The following ARHGAP26 variants were observed in gnomAD, a reference collection of about 807,000 sequenced individuals.
The protein encoded by ARHGAP26 is Rho GTPase activating protein 26.
ARHGAP26 carries 38 observed loss-of-function variants against 104.8 expected under a neutral mutation model. The observed-to-expected ratio is 0.36, with a 90% CI of 0.28 to 0.48. The LOEUF is 0.48. Ranked by LOEUF, ARHGAP26 falls within the 20% of genes least tolerant of loss-of-function variation. The pLI, the probability that ARHGAP26 is intolerant of heterozygous loss-of-function variation, is 0.99. For missense variants in ARHGAP26, 704 were observed against 947.9 expected, an observed-to-expected ratio of 0.74 and a Z score of 3.38; for synonymous variants, 341 against 340.0, an observed-to-expected ratio of 1.00 and a Z score of -0.03.
intron 1 of ARHGAP26, among the ~76,000 whole-genome samples, chr5:142,830,270 T>A (rs1255791645): frequency 1.3e-5 from 2 of 152,212 alleles, no homozygotes; most frequent in Non-Finnish European, 2.9e-5. Context: ...ATAAAATAGC[T>A]CATTACTATC....
chr5:142,975,980 C>T (rs1030451170), intron 11 of ARHGAP26, among the ~76,000 whole-genome samples: 11 of 152,142 alleles, frequency 7.2e-5, no homozygotes, highest in East Asian at 1.9e-4. Flanking sequence ...AAAAACTCTC[C>T]GTGGAACTTA....
chr5:142,865,704 G>A (rs1754157534), intron 1 of ARHGAP26, among the ~76,000 whole-genome samples: 1 of 152,086 alleles, frequency 6.6e-6, no homozygotes, highest in Non-Finnish European at 1.5e-5. Context: ...CTTAGTAAAA[G>A]GCTTAATTGT....
intron 20 of ARHGAP26, among the ~76,000 whole-genome samples, chr5:143,193,491 T>G (rs1806285683): frequency 6.6e-6 from 1 of 152,084 alleles, no homozygotes; most frequent in Non-Finnish European, 1.5e-5. Context: ...TCGGGTGATC[T>G]ACCCACCTTG....
chr5:143,200,883 A>G (rs1562598865), intron 20 of ARHGAP26, among the ~76,000 whole-genome samples: 1 of 152,250 alleles, frequency 6.6e-6, no homozygotes, highest in Non-Finnish European at 1.5e-5. Flanking sequence ...CTGCCTGGGC[A>G]GCCCTGCCAC....
At chr5:143,047,982 GA>G (rs1562324930) in intron 14 of ARHGAP26, among the ~76,000 whole-genome samples, 1 of 152,014 alleles carries the variant, frequency 6.6e-6, no homozygotes. Context: ...GAGTAGCTGG[GA>G]TTATAGGTGC....
At chr5:143,105,491 G>A (rs1380303460) in intron 17 of ARHGAP26, among the ~76,000 whole-genome samples, 2 of 152,074 alleles carry the variant, frequency 1.3e-5, no homozygotes, top group African/African-American at 2.4e-5. Context: ...CTGTCTTAAC[G>A]AAGATAGAAG....
intron 1 of ARHGAP26, chr5:142,772,953 G>A (rs1755538485): frequency 3.8e-6 from 2 of 527,778 alleles, no homozygotes; most frequent in Admixed American, 3.9e-5. Flanking sequence ...TGTTATTTAA[G>A]CTGTCTAATG....
At chr5:143,070,922 A>C (rs1419701627) in intron 17 of ARHGAP26, among the ~76,000 whole-genome samples, 2 of 152,094 alleles carry the variant, frequency 1.3e-5, no homozygotes, top group Non-Finnish European at 2.9e-5. Context: ...AGAAAAAAAA[A>C]CAACAAAAAA....
At chr5:142,855,140 T>C (rs1429443973) in intron 1 of ARHGAP26, among the ~76,000 whole-genome samples, 1 of 151,714 alleles carries the variant, frequency 6.6e-6, no homozygotes, top group African/African-American at 2.4e-5. Context: ...TTGGCAAGAG[T>C]GAAGTCACCG....
intron 17 of ARHGAP26, among the ~76,000 whole-genome samples, chr5:143,113,105 A>C (rs1436861836): frequency 6.6e-6 from 1 of 152,190 alleles, no homozygotes; most frequent in Non-Finnish European, 1.5e-5. Flanking sequence ...TAAATAGGGA[A>C]TGGAGTTGAA....
intron 9 of ARHGAP26, among the ~76,000 whole-genome samples, chr5:142,912,105 C>T (rs1228863024): frequency 6.6e-6 from 1 of 152,142 alleles, no homozygotes; most frequent in Non-Finnish European, 1.5e-5. Context: ...GAAACCCTAA[C>T]AAATTCCTAA....
intron 12 of ARHGAP26, among the ~76,000 whole-genome samples, chr5:143,024,000 T>C (rs996260472): frequency 6.6e-6 from 1 of 152,220 alleles, no homozygotes; most frequent in Admixed American, 6.5e-5. Context: ...CCCTAGGTGC[T>C]GACTTTCTAC....
chr5:143,113,558 C>T (rs1381572361), intron 17 of ARHGAP26, among the ~76,000 whole-genome samples: 1 of 152,144 alleles, frequency 6.6e-6, no homozygotes, highest in Non-Finnish European at 1.5e-5. Context: ...CTCACTCTTT[C>T]ATTATTAGGA....
chr5:142,858,832 T>C (rs1259213218), intron 1 of ARHGAP26, among the ~76,000 whole-genome samples: 1 of 152,156 alleles, frequency 6.6e-6, no homozygotes, highest in Non-Finnish European at 1.5e-5. Flanking sequence ...AGGAGACTGC[T>C]TCCCTGAGGA....
intron 1 of ARHGAP26, among the ~76,000 whole-genome samples, chr5:142,813,119 T>A (rs1216004665): frequency 6.6e-6 from 1 of 152,010 alleles, no homozygotes; most frequent in Non-Finnish European, 1.5e-5. Context: ...TTTTGTAGTT[T>A]TTTAGTAGAG....
At chr5:143,017,091 T>C (rs1779692888) in intron 12 of ARHGAP26, among the ~76,000 whole-genome samples, 1 of 152,214 alleles carries the variant, frequency 6.6e-6, no homozygotes, top group South Asian at 2.1e-4. Context: ...CTGCTCTTCT[T>C]AACCAGATTC....
rs781680770 is a variant in ARHGAP26, at chr5:143,134,060, G to A, written c.1792G>A (p.Glu598Lys). The change falls in exon 19 of 23, where the codon GAG (glutamate) becomes AAG (lysine). Residue 598 changes from glutamate to lysine, a missense_variant. Glu to Lys is a moderately conservative substitution (Grantham distance 56, BLOSUM62 1). Coordinates refer to ENST00000645722, the MANE Select transcript of ARHGAP26 (RefSeq NM_001135608.3). ...SSDSKPPSCS[E>K]RPLTLFHTVQ... ...TGACTCCAAGCCCCCGTCCTGCAGC[G>A]AGAGGCCCCTGACGCTCTTCCACAC... 1.4e-5 allele frequency: 22 copies of A among 1,612,386 alleles called. No homozygotes were observed. The Admixed American group carries it at 2.2e-4, about 16-fold the overall frequency.
chr5:143,122,541 T>C (rs1472320470), intron 18 of ARHGAP26, among the ~76,000 whole-genome samples: 1 of 152,238 alleles, frequency 6.6e-6, no homozygotes, highest in Non-Finnish European at 1.5e-5. Context: ...AAGATGTTAA[T>C]TGACTTTTAT....
chr5:142,848,252 A>G (rs867156894), intron 1 of ARHGAP26, among the ~76,000 whole-genome samples: 3 of 152,212 alleles, frequency 2.0e-5, no homozygotes, highest in Admixed American at 1.3e-4. Flanking sequence ...TTTTGGTTTT[A>G]TCTGGACAGT....
Sources: gnomAD v4.1 joint callset for allele counts (sites outside exome capture counted in the v4.1 genomes callset) on GRCh38, gnomAD v4.1.1 for gene constraint, MANE v1.5 for transcripts, NCBI Gene and HGNC (gene_info 2026-07-23, HGNC 2026-07-21) for gene names.